SUSD6: variants seen among roughly 807,000 people sequenced by gnomAD.
The protein encoded by SUSD6 is sushi domain containing 6, also known as sushi domain-containing protein 6.
A neutral mutation model predicts 28.4 loss-of-function variants in SUSD6; 16 were observed. The observed-to-expected ratio is 0.56, with a 90% CI of 0.38 to 0.86. The LOEUF is 0.86. Ranked by LOEUF, SUSD6 falls within the 40% of genes least tolerant of loss-of-function variation. SUSD6 has a pLI of 0.00. For missense variants in SUSD6, 341 were observed against 384.2 expected (o/e 0.89, Z 0.94); for synonymous variants, 147 against 159.6 (o/e 0.92, Z 0.59).
intron 3 of SUSD6, 104 bp downstream of exon 3, chr14:69,703,696 GC>G: frequency 9.7e-7 from 1 of 1,035,704 alleles, no homozygotes; most frequent in Non-Finnish European, 1.4e-6. Flanking sequence ...CTGTGGTGCA[GC>G]CCAGCCCCAG....
chr14:69,689,400 G>T (rs560154056), intron 2 of SUSD6, among the ~76,000 whole-genome samples: 1 of 152,302 alleles, frequency 6.6e-6, no homozygotes, highest in South Asian at 2.1e-4. Flanking sequence ...GAGAAAAAAA[G>T]AATGAATGGG....
At chr14:69,631,002 A>G (rs1304617871) in intron 1 of SUSD6, among the ~76,000 whole-genome samples, 1 of 152,226 alleles carries the variant, frequency 6.6e-6, no homozygotes, top group Non-Finnish European at 1.5e-5. Flanking sequence ...TGTGACTTAA[A>G]GTGATTATCT....
At chr14:69,612,376 C>G (rs1378561543) in intron 1 of SUSD6, among the ~76,000 whole-genome samples, 1 of 152,204 alleles carries the variant, frequency 6.6e-6, no homozygotes, top group African/African-American at 2.4e-5. Flanking sequence ...TCTTTAATCT[C>G]AAAAACTTCT....
intron 5 of SUSD6, 151 bp downstream of exon 5, chr14:69,709,255 C>G (rs1886429568): frequency 8.2e-6 from 6 of 729,068 alleles, no homozygotes; most frequent in Non-Finnish European, 1.3e-5. Context: ...GAATTTCACC[C>G]TCAGAGTACT....
intron 2 of SUSD6, among the ~76,000 whole-genome samples, chr14:69,680,530 C>T (rs1487871646): frequency 6.6e-6 from 1 of 152,108 alleles, no homozygotes; most frequent in East Asian, 1.9e-4. Context: ...GCTACTTCTC[C>T]TCTTAAAACA....
chr14:69,710,701 G>A lies in SUSD6; in HGVS notation c.887-253G>A, dbSNP rs541480795. Among the ~76,000 whole-genome samples the A allele has an allele frequency of 5.3e-5, 8 of 152,312 alleles. No homozygotes were observed. In the South Asian group the frequency reaches 1.7e-3, roughly 32 times the overall value. ...GAAGTGACTAGACCAGCAGAGCTAA[G>A]GCAGAGAGGAGGATGGTTTGAATAC... is the stretch of plus-strand genomic sequence containing the variant. On this transcript the variant is annotated intron_variant, in intron 5 of 5. Coordinates refer to ENST00000342745, the MANE Select transcript of SUSD6 (RefSeq NM_014734.4).
chr14:69,657,379 C>T (rs1404411413), intron 1 of SUSD6, among the ~76,000 whole-genome samples: 1 of 151,848 alleles, frequency 6.6e-6, no homozygotes, highest in African/African-American at 2.4e-5. Context: ...CACTTCAACC[C>T]GGGAGGTGGA....
At chr14:69,696,490 A>AATATAACCTTTAT (rs1886227329) in intron 2 of SUSD6, among the ~76,000 whole-genome samples, 1 of 152,364 alleles carries the variant, frequency 6.6e-6, no homozygotes, top group East Asian at 1.9e-4. Flanking sequence ...TAGAAGTAGA[A>AATATAACCTTTAT]ATATAACCTT....
At chr14:69,668,449 A>T (rs1885778121) in intron 2 of SUSD6, among the ~76,000 whole-genome samples, 1 of 152,094 alleles carries the variant, frequency 6.6e-6, no homozygotes, top group Non-Finnish European at 1.5e-5. Context: ...AGCCCGGCCA[A>T]CATGGTGAAA....
At chr14:69,627,559 G>A (rs1885132340) in intron 1 of SUSD6, among the ~76,000 whole-genome samples, 1 of 152,038 alleles carries the variant, frequency 6.6e-6, no homozygotes, top group South Asian at 2.1e-4. Flanking sequence ...CTCACCACAA[G>A]CTCCATGCCA....
chr14:69,628,187 C>A, intron 1 of SUSD6, among the ~76,000 whole-genome samples: 1 of 152,156 alleles, frequency 6.6e-6, no homozygotes, highest in Non-Finnish European at 1.5e-5. Flanking sequence ...CCCACCTCTG[C>A]CTCCCAAAGT....
At chr14:69,620,329 C>A (rs371450882) in intron 1 of SUSD6, among the ~76,000 whole-genome samples, 1 of 152,300 alleles carries the variant, frequency 6.6e-6, no homozygotes, top group East Asian at 1.9e-4. Context: ...AGCCGATAAT[C>A]TGGTTAGGCT....
chr14:69,660,435 T>C (rs1049467730), intron 2 of SUSD6, among the ~76,000 whole-genome samples: 14 of 152,210 alleles, frequency 9.2e-5, no homozygotes, highest in Non-Finnish European at 1.8e-4. Context: ...GCCATGATGA[T>C]TGGGACCCCA....
chr14:69,618,100 C>G (rs1884985325), intron 1 of SUSD6, among the ~76,000 whole-genome samples: 1 of 152,148 alleles, frequency 6.6e-6, no homozygotes. Flanking sequence ...CAGAATGTCT[C>G]CTTTTGCCCT....
Position 69,711,148 on chromosome 14 carries a change from A to C in SUSD6, c.*169A>C. The stretch of plus-strand genomic sequence containing the variant: ...TATAGGCCCACCTTGCTGGAAACTC[A>C]AGGAAGATTCTCGCCATCTGCCTGT... On this transcript the variant is annotated 3_prime_UTR_variant, in exon 6 of 6. Transcript: ENST00000342745. The C allele has an allele frequency of 1.6e-6, 1 of 639,880 alleles. No homozygotes were observed. 39.6% of individuals were successfully genotyped at this position (639,880 alleles called of 1,614,324 possible). A position where few individuals can be genotyped will look rare whatever the true frequency, so the allele number is the denominator to read the frequency against.
intron 2 of SUSD6, among the ~76,000 whole-genome samples, chr14:69,687,852 A>G (rs1886095785): frequency 6.6e-6 from 1 of 152,128 alleles, no homozygotes; most frequent in African/African-American, 2.4e-5. Context: ...GAAGATTGCA[A>G]TTAGATGCTT....
intron 2 of SUSD6, among the ~76,000 whole-genome samples, chr14:69,668,167 G>A (rs1407534130): frequency 6.6e-6 from 1 of 152,204 alleles, no homozygotes; most frequent in Non-Finnish European, 1.5e-5. Context: ...AGGAGCACGT[G>A]AAAGTGTTTT....
intron 2 of SUSD6, among the ~76,000 whole-genome samples, chr14:69,693,443 C>T (rs537398432): frequency 7.2e-5 from 11 of 152,226 alleles, no homozygotes; most frequent in South Asian, 6.2e-4. Context: ...AAAAAGGAGC[C>T]GGCTTATTAC....
chr14:69,652,651 C>A (rs1885521228), intron 1 of SUSD6, among the ~76,000 whole-genome samples: 1 of 152,060 alleles, frequency 6.6e-6, no homozygotes, highest in Admixed American at 6.5e-5. Context: ...AGGGGTGGGC[C>A]CCAGGCACGT....
Sources: allele counts gnomAD v4.1 joint callset (sites outside exome capture counted in the v4.1 genomes callset), GRCh38; gene constraint gnomAD v4.1.1; transcripts MANE v1.5; gene names NCBI Gene and HGNC (gene_info 2026-07-23, HGNC 2026-07-21).